The following CATSPERT variants were observed in gnomAD, a reference collection of about 807,000 sequenced individuals.
CATSPERT encodes catsper channel auxiliary subunit tau.
chr2:201,490,482 G>C, the CATSPERT span, among the ~76,000 whole-genome samples: 3 of 152,150 alleles, frequency 2.0e-5, no homozygotes, highest in Non-Finnish European at 1.5e-5. Context: ...ATTTTAGTCA[G>C]GGCTAAAATC....
chr2:201,563,324 CCCCCA>C, the CATSPERT span, among the ~76,000 whole-genome samples: 2 of 140,330 alleles, frequency 1.4e-5, no homozygotes, highest in Non-Finnish European at 3.2e-5. Context: ...GGGGCTGACC[CCCCCA>C]CCTCCCTCCC....
chr2:201,529,796 C>G, the CATSPERT span, among the ~76,000 whole-genome samples: 3 of 152,004 alleles, frequency 2.0e-5, no homozygotes, highest in East Asian at 5.8e-4. Flanking sequence ...GAAAAGGAAA[C>G]AATGAACAGA....
chr2:201,596,717 T>C, the CATSPERT span, among the ~76,000 whole-genome samples: 1 of 152,258 alleles, frequency 6.6e-6, no homozygotes. Context: ...TTGACCAGTC[T>C]TTCAGTTCAC....
chr2:201,559,950 A>G, the CATSPERT span, among the ~76,000 whole-genome samples: 2 of 152,224 alleles, frequency 1.3e-5, no homozygotes, highest in African/African-American at 2.4e-5. Context: ...GAAATACATG[A>G]AATGTCAGAA....
At chr2:201,560,802 A>G in the CATSPERT span, among the ~76,000 whole-genome samples, 2 of 146,606 alleles carry the variant, frequency 1.4e-5, no homozygotes, top group African/African-American at 5.1e-5. Context: ...TTTTTTTTTG[A>G]GACAGAGTCT....
the CATSPERT span, among the ~76,000 whole-genome samples, chr2:201,505,122 T>C: frequency 1.8e-4 from 27 of 152,118 alleles, no homozygotes; most frequent in Non-Finnish European, 2.1e-4. Context: ...TTGTTTGAGA[T>C]GAAGTATCTC....
At chr2:201,502,819 T>C in the CATSPERT span, among the ~76,000 whole-genome samples, 2 of 152,110 alleles carry the variant, frequency 1.3e-5, no homozygotes, top group African/African-American at 4.8e-5. Flanking sequence ...CTTCAAATCA[T>C]TTTTCAGTTC....
At chr2:201,561,590 G>A in the CATSPERT span, among the ~76,000 whole-genome samples, 1 of 152,074 alleles carries the variant, frequency 6.6e-6, no homozygotes, top group African/African-American at 2.4e-5. Context: ...AGATAATATA[G>A]GCTGGGCTTG....
the CATSPERT span, chr2:201,493,209 A>G: frequency 6.5e-7 from 1 of 1,535,394 alleles, no homozygotes; most frequent in Non-Finnish European, 8.7e-7. Flanking sequence ...TAGAACTGAG[A>G]TCATTTTTGT....
chr2:201,602,443 AAACATCAAATCTCC>A, the CATSPERT span, among the ~76,000 whole-genome samples: 9 of 152,278 alleles, frequency 5.9e-5, no homozygotes, highest in African/African-American at 1.9e-4. Context: ...TATAAAAAAG[AAACATCAAATCTCC>A]ATAATGAGGC....
At chr2:201,487,847 T>C in the CATSPERT span, 5 of 1,613,940 alleles carry the variant, frequency 3.1e-6, no homozygotes, top group East Asian at 1.1e-4. Context: ...TTTTACTTTT[T>C]TAAGGTGTGT....
At chr2:201,527,942 C>T in the CATSPERT span, among the ~76,000 whole-genome samples, 1 of 151,650 alleles carries the variant, frequency 6.6e-6, no homozygotes, top group Non-Finnish European at 1.5e-5. Context: ...TTCTGCACAG[C>T]AGAAGAAACT....
the CATSPERT span, among the ~76,000 whole-genome samples, chr2:201,522,251 T>C: frequency 6.6e-6 from 1 of 151,996 alleles, no homozygotes; most frequent in African/African-American, 2.4e-5. Context: ...ATCTTATACA[T>C]AGAAAAATGT....
chr2:201,513,156 C>T, the CATSPERT span, among the ~76,000 whole-genome samples: 1 of 150,956 alleles, frequency 6.6e-6, no homozygotes, highest in East Asian at 1.9e-4. Context: ...AGACAACCTA[C>T]GGAATGGGAG....
At chr2:201,498,656 T>C in the CATSPERT span, among the ~76,000 whole-genome samples, 1 of 152,228 alleles carries the variant, frequency 6.6e-6, no homozygotes, top group Non-Finnish European at 1.5e-5. Flanking sequence ...ATATTAACCA[T>C]CACACTCAGC....
chr2:201,525,344 A>C, the CATSPERT span, among the ~76,000 whole-genome samples: 1 of 152,206 alleles, frequency 6.6e-6, no homozygotes, highest in Non-Finnish European at 1.5e-5. Flanking sequence ...TAGACAACCT[A>C]ATTCTGAATG....
At chr2:201,590,610 A>T in the CATSPERT span, among the ~76,000 whole-genome samples, 1 of 152,130 alleles carries the variant, frequency 6.6e-6, no homozygotes, top group African/African-American at 2.4e-5. Context: ...CAGCAGTGTA[A>T]AAGTGTTCCT....
At chr2:201,517,345 T>C in the CATSPERT span, among the ~76,000 whole-genome samples, 7 of 152,256 alleles carry the variant, frequency 4.6e-5, no homozygotes, top group South Asian at 1.5e-3. Flanking sequence ...CTCATACCAC[T>C]TGGATGAGAG....
At chr2:201,585,547 G>C in the CATSPERT span, among the ~76,000 whole-genome samples, 3 of 151,954 alleles carry the variant, frequency 2.0e-5, no homozygotes, top group African/African-American at 7.2e-5. Context: ...AAAAGTTAAA[G>C]TGGCAAATAT....
Sources: allele counts gnomAD v4.1 joint callset (sites outside exome capture counted in the v4.1 genomes callset), GRCh38; gene constraint gnomAD v4.1.1; transcripts MANE v1.5; gene names NCBI Gene and HGNC (gene_info 2026-07-23, HGNC 2026-07-21).